The following TBCD variants were observed in gnomAD, a reference collection of about 807,000 sequenced individuals.
The protein encoded by TBCD is tubulin folding cofactor D.
TBCD carries 105 observed loss-of-function variants against 169.3 expected under a neutral mutation model. The observed-to-expected ratio is 0.62, with a 90% CI of 0.53 to 0.73. The LOEUF is 0.73. Ranked by LOEUF, TBCD falls within the 30% of genes least tolerant of loss-of-function variation. TBCD has a pLI of 0.00. For synonymous variants in TBCD, 700 were observed against 643.9 expected (o/e 1.09, Z -1.32); for missense variants, 1,444 against 1,600.1 (o/e 0.90, Z 1.66).
rs773864587 is a variant in TBCD at position 82,929,164 on chromosome 17, C to T, written c.2745C>T (p.Asp915=). Residue 915 remains aspartate (D), a synonymous_variant, in exon 31 of 39, where the codon GAC becomes GAT. Coordinates refer to ENST00000355528, the MANE Select transcript of TBCD (RefSeq NM_005993.5). ...CVAQQASEKI[D]RFRAHAASVF... Reference sequence around the variant, plus strand: ...CCCAGCAGGCCAGTGAGAAGATTGACCGTTTCCGTGCTCACGCCGCCAGCG... The same window carrying T: ...CCCAGCAGGCCAGTGAGAAGATTGATCGTTTCCGTGCTCACGCCGCCAGCG... 1 of 1,613,526 alleles carries T rather than the reference C, an allele frequency of 6.2e-7. No individual in the cohort carries two copies. The highest frequency in any genetic ancestry group is 8.5e-7 in the Non-Finnish European group (1 of 1,179,888).
intron 7 of TBCD, among the ~76,000 whole-genome samples, chr17:82,792,664 T>C (rs1358058622): frequency 6.6e-6 from 1 of 152,322 alleles, no homozygotes; most frequent in East Asian, 1.9e-4. Context: ...GAGCTGGGCC[T>C]TGCATGGCCC....
Position 82,831,070 on chromosome 17 carries a change from G to A in TBCD, c.1318+16136G>A, listed in dbSNP as rs144851291. 5.3e-5 allele frequency: 86 copies of A among 1,614,222 alleles called. No individual in the cohort carries two copies. Among genetic ancestry groups the A allele is most frequent in the Admixed American group, 4.5e-4 (27 of 60,032 alleles). ...AGCAGCCTGGGCAGGTAGGCATTCT[G>A]TGCTTTTCTTAACAGGCCTGAAGGC... On this transcript the variant is annotated intron_variant, in intron 13 of 38. Transcript: ENST00000355528. The surrounding 1 kb of genome is among the most constrained non-coding windows in gnomAD (Gnocchi z 4.6).
Position 82,756,167 on chromosome 17 carries a change from A to G in TBCD, c.187A>G (p.Ile63Val). 6.2e-7 allele frequency: 1 copy of G among 1,607,692 alleles called. No individual in the cohort carries two copies. The highest frequency in any genetic ancestry group is 8.5e-7 in the Non-Finnish European group (1 of 1,176,702). Residue 63 changes from isoleucine to valine, a missense_variant and splice_region_variant, in exon 2 of 39, where the codon ATA (isoleucine) becomes GTA (valine). By Grantham distance (29) the Ile-to-Val change is conservative (BLOSUM62 3). Coordinates refer to ENST00000355528, the MANE Select transcript of TBCD (RefSeq NM_005993.5). ...TTTCATGTTATATTTGTTTTTAGTA[A>G]TAATGGACAAATACCAGGAGCAGCC... ...REVALERFRV[I>V]MDKYQEQPHL...
chr17:82,911,913 C>T, intron 23 of TBCD, 124 bp downstream of exon 23: 1 of 945,600 alleles, frequency 1.1e-6, no homozygotes, highest in Non-Finnish European at 1.7e-6. Flanking sequence ...TGTGTTTCTT[C>T]TGTGGAGGCG....
At chr17:82,779,792 G>A (rs2048826992) in intron 6 of TBCD, among the ~76,000 whole-genome samples, 2 of 151,960 alleles carry the variant, frequency 1.3e-5, no homozygotes, top group African/African-American at 4.8e-5. Flanking sequence ...GGGAGGTTGG[G>A]CGTCATAGCC....
chr17:82,893,863 G>T (rs1051232694), intron 17 of TBCD, among the ~76,000 whole-genome samples: 1 of 152,242 alleles, frequency 6.6e-6, no homozygotes, highest in African/African-American at 2.4e-5. Flanking sequence ...TTACTCACGT[G>T]TTAAAGAGGG....
chr17:82,877,993 G>C (rs1209747695), intron 14 of TBCD, among the ~76,000 whole-genome samples: 1 of 152,192 alleles, frequency 6.6e-6, no homozygotes, highest in Middle Eastern at 3.2e-3. Flanking sequence ...TAGATAATTA[G>C]TTGCTTTCCA....
In TBCD at chr17:82,942,661, C is replaced by T. The variant is rs1288524451; in HGVS notation, c.*198C>T. ...GACTTGGGGTGGACGCCTCTGCCTT[C>T]ACTTGAACACAAATGTGCTTCCTAT... is the stretch of plus-strand genomic sequence containing the variant. On this transcript the variant is annotated 3_prime_UTR_variant, in exon 39 of 39. Coordinates refer to ENST00000355528, the MANE Select transcript of TBCD (RefSeq NM_005993.5). 1.6e-6 allele frequency: 1 copy of T among 639,274 alleles called. No homozygotes were observed. The highest frequency in any genetic ancestry group is 2.7e-5 in the East Asian group (1 of 36,624). 39.6% of individuals were successfully genotyped at this position (639,274 alleles called of 1,614,324 possible). A position where few individuals can be genotyped will look rare whatever the true frequency, so the allele number is the denominator to read the frequency against.
intron 37 of TBCD, among the ~76,000 whole-genome samples, chr17:82,940,880 T>G (rs943665209): frequency 2.6e-5 from 4 of 152,106 alleles, no homozygotes; most frequent in African/African-American, 9.7e-5. Flanking sequence ...CGGGGTGGCC[T>G]CCTTTCCTCA....
chr17:82,800,034 C>T (rs571233436), intron 8 of TBCD, among the ~76,000 whole-genome samples: 1 of 149,716 alleles, frequency 6.7e-6, no homozygotes, highest in Non-Finnish European at 1.5e-5. Flanking sequence ...CCTGCTCTGT[C>T]CCCGCCCCAC....
chr17:82,806,810 C>T lies in TBCD; in HGVS notation c.1088-798C>T, dbSNP rs3791161. ...GCCAGCCCCGAGCCAGCATCCACTCCGGCCCTTCCCTTGACCTTTGCTTCT... is the reference window on the plus strand; with the variant it reads ...GCCAGCCCCGAGCCAGCATCCACTCTGGCCCTTCCCTTGACCTTTGCTTCT... On this transcript the variant is annotated intron_variant, in intron 10 of 38. Coordinates refer to ENST00000355528, the MANE Select transcript of TBCD (RefSeq NM_005993.5). The surrounding 1 kb of genome is among the most constrained non-coding windows in gnomAD (Gnocchi z 5.1). Among the ~76,000 whole-genome samples, 550 of 152,342 alleles carry T rather than the reference C, an allele frequency of 3.6e-3. 28 individuals are homozygous for T. The East Asian group carries it at 0.095, about 26-fold the overall frequency.
intron 13 of TBCD, among the ~76,000 whole-genome samples, chr17:82,836,373 C>A (rs537941183): frequency 1.3e-5 from 2 of 152,348 alleles, no homozygotes; most frequent in South Asian, 2.1e-4. Context: ...CTGATGATTT[C>A]ATCACTAGCT....
rs1463529925 is a variant in TBCD, at chr17:82,889,897, T to C, written c.1563+200T>C. 6.6e-6 allele frequency among the ~76,000 whole-genome samples: 1 copy of C among 152,200 alleles called. No homozygotes were observed. The highest frequency in any genetic ancestry group is 1.5e-5 in the Non-Finnish European group (1 of 68,024). On this transcript the variant is annotated intron_variant, in intron 16 of 38. Coordinates refer to ENST00000355528, the MANE Select transcript of TBCD (RefSeq NM_005993.5). The surrounding 1 kb of genome is among the most constrained non-coding windows in gnomAD (Gnocchi z 5.3). ...CACAGGGAACCTGCATGTACAGTAA[T>C]TTACACACACAGGCCGGAAAGCTGT...
At chr17:82,770,090 T>C (rs898142685) in intron 5 of TBCD, among the ~76,000 whole-genome samples, 1 of 152,176 alleles carries the variant, frequency 6.6e-6, no homozygotes, top group Non-Finnish European at 1.5e-5. Context: ...AGGCGGTTTA[T>C]CTGGAGTCTG....
intron 13 of TBCD, among the ~76,000 whole-genome samples, chr17:82,844,968 C>T (rs2054878309): frequency 6.6e-6 from 1 of 151,846 alleles, no homozygotes; most frequent in Admixed American, 6.5e-5. Flanking sequence ...GCCCAGAGGG[C>T]GATGAGCAGA....
intron 2 of TBCD, among the ~76,000 whole-genome samples, chr17:82,762,741 T>C (rs2047829678): frequency 6.6e-6 from 1 of 151,568 alleles, no homozygotes; most frequent in Admixed American, 6.6e-5. Flanking sequence ...AGAGTGAGAC[T>C]CTGTCTCCAA....
chr17:82,932,815 G>A, intron 34 of TBCD, 80 bp downstream of exon 34: 9 of 1,415,404 alleles, frequency 6.4e-6, no homozygotes, highest in Non-Finnish European at 8.8e-6. Flanking sequence ...ATCAGACACA[G>A]AGATCAGAAT....
chr17:82,838,339 A>AG (rs901986721), intron 13 of TBCD, among the ~76,000 whole-genome samples: 7 of 151,834 alleles, frequency 4.6e-5, no homozygotes, highest in Non-Finnish European at 1.0e-4. Flanking sequence ...AGTTCTTAAA[A>AG]AAAAAAACTT....
chr17:82,887,180 CACGTGCGCTCACGCGT>C (rs2058812567), intron 15 of TBCD, among the ~76,000 whole-genome samples: 1 of 110,354 alleles, frequency 9.1e-6, no homozygotes, highest in Admixed American at 8.8e-5. Context: ...CGCGCGCGCG[CACGTGCGCTCACGCGT>C]TTACTTCTGT....
Sources: gnomAD v4.1 joint callset for allele counts (sites outside exome capture counted in the v4.1 genomes callset) on GRCh38, gnomAD v4.1.1 for gene constraint, Gnocchi (gnomAD v3.1) non-coding constraint, MANE v1.5 for transcripts, NCBI Gene and HGNC (gene_info 2026-07-23, HGNC 2026-07-21) for gene names.